Variants in ZDHHC7 observed in about 807,000 individuals in gnomAD.
ZDHHC7 encodes zDHHC palmitoyltransferase 7, also known as palmitoyltransferase ZDHHC7.
In ZDHHC7, 12 loss-of-function variants were observed where a neutral mutation model predicts 34.1. The observed-to-expected ratio is 0.35, with a 90% CI of 0.23 to 0.57. The LOEUF (loss-of-function observed/expected upper bound fraction) is 0.57. ZDHHC7 is among the 20% of genes least tolerant of loss of function. ZDHHC7 has a pLI of 0.84. For missense variants in ZDHHC7, 388 were observed against 402.7 expected, an observed-to-expected ratio of 0.96 and a Z score of 0.31; for synonymous variants, 185 against 155.4, an observed-to-expected ratio of 1.19 and a Z score of -1.42.
upstream of ZDHHC7, among the ~76,000 whole-genome samples, chr16:85,012,808 G>A (rs2072811621): frequency 6.6e-6 from 1 of 152,132 alleles, no homozygotes; most frequent in Admixed American, 6.5e-5. Flanking sequence ...GGGAGGCTGA[G>A]GCAGGAGAAA....
intron 1 of ZDHHC7, among the ~76,000 whole-genome samples, chr16:84,996,685 C>T (rs974506996): frequency 2.6e-5 from 4 of 152,086 alleles, no homozygotes; most frequent in Non-Finnish European, 5.9e-5. Flanking sequence ...AGGGAAACCC[C>T]CGCCACGGAC....
intron 1 of ZDHHC7, among the ~76,000 whole-genome samples, chr16:85,007,853 C>G (rs1380606814): frequency 6.6e-6 from 1 of 152,002 alleles, no homozygotes; most frequent in Admixed American, 6.5e-5. Context: ...ATAATTTAAC[C>G]AGGCCAGGCA....
chr16:85,016,135 CAGTT>C (rs977693090), upstream of ZDHHC7, among the ~76,000 whole-genome samples: 10 of 152,226 alleles, frequency 6.6e-5, no homozygotes, highest in African/African-American at 2.4e-4. Flanking sequence ...AGGGCCCATT[CAGTT>C]GGTTGGGGGG....
At chr16:85,018,043 G>A in the ZDHHC7 span, among the ~76,000 whole-genome samples, 1 of 152,108 alleles carries the variant, frequency 6.6e-6, no homozygotes, top group Admixed American at 6.6e-5. Flanking sequence ...ATTAATGAGT[G>A]TATATTGAGG....
chr16:85,011,701 T>C (rs1247156263), upstream of ZDHHC7, among the ~76,000 whole-genome samples: 1 of 152,146 alleles, frequency 6.6e-6, no homozygotes, highest in East Asian at 1.9e-4. Flanking sequence ...AAGACAGAGA[T>C]GCCGCCAAAC....
intron 1 of ZDHHC7, among the ~76,000 whole-genome samples, chr16:84,998,625 C>T (rs1269810481): frequency 6.6e-6 from 1 of 152,162 alleles, no homozygotes; most frequent in Admixed American, 6.6e-5. Flanking sequence ...TCCCTGTGCC[C>T]ATCACACCGA....
rs774303689 is a variant in ZDHHC7 at position 84,976,483 on chromosome 16, C to A, written c.787G>T (p.Glu263Ter). 6.2e-7 allele frequency: 1 copy of A among 1,613,974 alleles called. No homozygotes were observed. Among genetic ancestry groups the A allele is most frequent in the South Asian group, 1.1e-5 (1 of 91,076 alleles). Residue 263 changes from glutamate (E) to a stop codon, truncating the protein, a stop_gained, in exon 8 of 8, where the codon GAG (glutamate) becomes TAG (stop). Transcript: ENST00000313732. LOFTEE classifies it high-confidence loss of function. The part of the protein sequence containing the change: ...ERLKSEKPTW[E>*]RRLRWEGMKS... ...ATCCCTTCCCATCGCAGCCTCCGCT[C>A]CCATGTGGGCTTCTCACTTTTCAAT...
At chr16:84,983,214 C>CA (rs1327319386) in intron 3 of ZDHHC7, among the ~76,000 whole-genome samples, 2 of 152,152 alleles carry the variant, frequency 1.3e-5, no homozygotes, top group East Asian at 3.9e-4. Context: ...AGTGATTGTG[C>CA]AAAGACAGGG....
chr16:84,996,359 C>A (rs1436104787), intron 1 of ZDHHC7, among the ~76,000 whole-genome samples: 1 of 152,058 alleles, frequency 6.6e-6, no homozygotes, highest in Admixed American at 6.6e-5. Flanking sequence ...GATTTACTGG[C>A]CACATTAAAG....
At chr16:85,011,825 G>C (rs2143775208), upstream of ZDHHC7, among the ~76,000 whole-genome samples, 1 of 152,352 alleles carries the variant, frequency 6.6e-6, no homozygotes, top group East Asian at 1.9e-4. Context: ...ACCCGCGCCC[G>C]CGGCGGTGTC....
chr16:85,017,656 A>G, the ZDHHC7 span, among the ~76,000 whole-genome samples: 5 of 152,170 alleles, frequency 3.3e-5, no homozygotes, highest in Non-Finnish European at 5.9e-5. Context: ...ACATGAATCA[A>G]TCTCACAAAT....
the ZDHHC7 span, among the ~76,000 whole-genome samples, chr16:85,023,714 G>A: frequency 5.5e-3 from 842 of 152,196 alleles, 9 homozygotes; most frequent in African/African-American, 0.02. Flanking sequence ...GACCTCCCAG[G>A]CTCAAGCAAC....
At chr16:84,986,490 CCACGGGGCTGG>C (rs1288831575) in intron 3 of ZDHHC7, among the ~76,000 whole-genome samples, 3 of 152,208 alleles carry the variant, frequency 2.0e-5, no homozygotes, top group Non-Finnish European at 4.4e-5. Flanking sequence ...TCGTAGGCAT[CCACGGGGCTGG>C]CATTGAAGAC....
At chr16:85,009,043 C>A in intron 1 of ZDHHC7, among the ~76,000 whole-genome samples, 1 of 82,652 alleles carries the variant, frequency 1.2e-5, no homozygotes, top group Non-Finnish European at 2.0e-5. Context: ...GAAACTCCGT[C>A]TCAAAAAAAA....
At chr16:85,023,061 C>G in the ZDHHC7 span, among the ~76,000 whole-genome samples, 1 of 152,184 alleles carries the variant, frequency 6.6e-6, no homozygotes, top group Non-Finnish European at 1.5e-5. Flanking sequence ...ACAAACAATT[C>G]TCCCCTAGAG....
chr16:84,976,997 C>T (rs948238827), intron 7 of ZDHHC7, 98 bp downstream of exon 7: 40 of 1,530,218 alleles, frequency 2.6e-5, no homozygotes, highest in African/African-American at 6.9e-5. Context: ...ATTACGTTCC[C>T]GAGTCAGTCC....
intron 1 of ZDHHC7, 147 bp from the exon 2 acceptor site, chr16:84,996,154 T>C (rs1451989065): frequency 6.6e-6 from 1 of 152,250 alleles, no homozygotes; most frequent in Non-Finnish European, 1.5e-5. Context: ...TATGAAATCA[T>C]TGCTCTTCTA....
At chr16:85,002,094 G>C (rs901240845) in intron 1 of ZDHHC7, among the ~76,000 whole-genome samples, 1 of 152,110 alleles carries the variant, frequency 6.6e-6, no homozygotes, top group Non-Finnish European at 1.5e-5. Context: ...AAATAAAATA[G>C]TATTGCTTTA....
upstream of ZDHHC7, among the ~76,000 whole-genome samples, chr16:85,012,068 T>G (rs1433687804): frequency 6.6e-6 from 1 of 152,168 alleles, no homozygotes; most frequent in African/African-American, 2.4e-5. Context: ...TAGGAAGCCC[T>G]AAGTGTTTGA....
Sources: allele counts gnomAD v4.1 joint callset (sites outside exome capture counted in the v4.1 genomes callset), GRCh38; gene constraint gnomAD v4.1.1; transcripts MANE v1.5; gene names NCBI Gene and HGNC (gene_info 2026-07-23, HGNC 2026-07-21).